The following CADM2 variants were observed in gnomAD, a reference collection of about 807,000 sequenced individuals.
CADM2 encodes cell adhesion molecule 2.
A neutral mutation model predicts 49.8 loss-of-function variants in CADM2; 12 were observed. The ratio of observed to expected loss-of-function variants is 0.24; its 90% CI spans 0.15 to 0.39. The LOEUF is 0.39. CADM2 is among the 10% of genes least tolerant of loss of function. CADM2 has a pLI of 1.00. For synonymous variants in CADM2, 214 were observed against 175.4 expected (o/e 1.22, Z -1.74); for missense variants, 378 against 492.3 (o/e 0.77, Z 2.20).
At chr3:85,091,047 C>G (rs567797615) in intron 1 of CADM2, among the ~76,000 whole-genome samples, 1 of 152,114 alleles carries the variant, frequency 6.6e-6, no homozygotes, top group African/African-American at 2.4e-5. Flanking sequence ...TGATAAAATG[C>G]AGATTGCGGG....
chr3:85,821,715 C>A (rs773115808), intron 3 of CADM2, among the ~76,000 whole-genome samples: 12 of 152,064 alleles, frequency 7.9e-5, no homozygotes, highest in Non-Finnish European at 1.8e-4. Flanking sequence ...ATTCATGGAA[C>A]TTTGTCAGTA....
chr3:86,011,935 G>A (rs1430969253), intron 8 of CADM2, among the ~76,000 whole-genome samples: 7 of 140,858 alleles, frequency 5.0e-5, no homozygotes, highest in Non-Finnish European at 9.0e-5. Context: ...AGGAATTCAA[G>A]TATACAATTA....
chr3:85,451,861 G>T (rs868113331), intron 1 of CADM2, among the ~76,000 whole-genome samples: 1 of 151,996 alleles, frequency 6.6e-6, no homozygotes, highest in Non-Finnish European at 1.5e-5. Context: ...TTTCACCAGG[G>T]ATTCATCCTG....
At chr3:85,947,429 A>C (rs1722869395) in intron 7 of CADM2, among the ~76,000 whole-genome samples, 1 of 151,396 alleles carries the variant, frequency 6.6e-6, no homozygotes, top group Middle Eastern at 3.2e-3. Flanking sequence ...GTGTTCTGAT[A>C]TATAGAGAAA....
intron 2 of CADM2, among the ~76,000 whole-genome samples, chr3:85,730,789 T>C (rs1417818943): frequency 2.0e-5 from 3 of 152,212 alleles, no homozygotes; most frequent in Admixed American, 6.5e-5. Context: ...AAAATATTTT[T>C]AGTCTTTAAT....
chr3:85,816,312 A>AT (rs950439608), intron 3 of CADM2, among the ~76,000 whole-genome samples: 20 of 151,680 alleles, frequency 1.3e-4, no homozygotes, highest in African/African-American at 4.8e-4. Context: ...AGGCCACTGT[A>AT]TTTTACTGTT....
intron 1 of CADM2, among the ~76,000 whole-genome samples, chr3:85,597,117 A>G (rs1390943904): frequency 6.6e-6 from 1 of 152,094 alleles, no homozygotes. Flanking sequence ...TTTCAGTAGT[A>G]TATGTGATAT....
intron 1 of CADM2, among the ~76,000 whole-genome samples, chr3:85,679,278 A>G (rs1158002974): frequency 1.3e-5 from 2 of 152,098 alleles, no homozygotes; most frequent in African/African-American, 4.8e-5. Flanking sequence ...AGGAGTTCAC[A>G]AGGCTAAGTA....
intron 1 of CADM2, among the ~76,000 whole-genome samples, chr3:85,672,273 A>T (rs2065764014): frequency 6.6e-6 from 1 of 150,430 alleles, no homozygotes; most frequent in African/African-American, 2.5e-5. Flanking sequence ...GCTCACTGCA[A>T]GCTCCGCCTC....
intron 8 of CADM2, chr3:86,014,370 GGTAGCTTGACTGTA>G: frequency 7.0e-7 from 1 of 1,431,774 alleles, no homozygotes. Context: ...ATTTGCAGCT[GGTAGCTTGACTGTA>G]GTACTGCATT....
chr3:86,073,319 AT>A lies in CADM2; in HGVS notation c.*6537del, dbSNP rs1186763702. ...GGGTATATTTATGACAGCATAAAAAATAAATTCTGTGCTATAAAGAAGATCC... is the reference window on the plus strand; with the variant it reads ...GGGTATATTTATGACAGCATAAAAAAAAATTCTGTGCTATAAAGAAGATCC... On this transcript the variant is annotated 3_prime_UTR_variant, in exon 10 of 10. Coordinates refer to ENST00000383699, the MANE Select transcript of CADM2 (RefSeq NM_001167675.2). The A allele has an allele frequency of 1.3e-5, 2 of 152,102 alleles. No homozygotes were observed. Among genetic ancestry groups the A allele is most frequent in the African/African-American group, 4.8e-5 (2 of 41,458 alleles). 9.4% of individuals were successfully genotyped at this position (152,102 alleles called of 1,614,324 possible). A position where few individuals can be genotyped will look rare whatever the true frequency, so the allele number is the denominator to read the frequency against.
At chr3:85,225,137 G>A (rs1335173746) in intron 1 of CADM2, among the ~76,000 whole-genome samples, 1 of 152,136 alleles carries the variant, frequency 6.6e-6, no homozygotes, top group Admixed American at 6.5e-5. Flanking sequence ...ATTCTATGAA[G>A]GAAGTCAGTG....
At chr3:85,647,275 G>A (rs943474591) in intron 1 of CADM2, among the ~76,000 whole-genome samples, 4 of 151,526 alleles carry the variant, frequency 2.6e-5, no homozygotes, top group Admixed American at 2.0e-4. Flanking sequence ...GTTTAGCATG[G>A]GAAATGAAAC....
intron 8 of CADM2, among the ~76,000 whole-genome samples, chr3:85,971,778 A>T (rs1429107240): frequency 1.3e-5 from 2 of 151,678 alleles, no homozygotes; most frequent in African/African-American, 4.8e-5. Flanking sequence ...AAAAAGTATT[A>T]TAAAAGAAAA....
chr3:85,395,296 C>CAAAAAAAAAAAAAA (rs58315220), intron 1 of CADM2, among the ~76,000 whole-genome samples: 3 of 75,546 alleles, frequency 4.0e-5, no homozygotes, highest in Admixed American at 1.8e-4. Flanking sequence ...AGACTCCATA[C>CAAAAAAAAAAAAAA]AAAAAAAAAA....
chr3:85,134,212 CG>C (rs1417328111), intron 1 of CADM2, among the ~76,000 whole-genome samples: 15 of 152,324 alleles, frequency 9.8e-5, no homozygotes, highest in Non-Finnish European at 2.1e-4. Context: ...GCAAGCGCCG[CG>C]CGCAGCCCCG....
intron 3 of CADM2, among the ~76,000 whole-genome samples, chr3:85,842,909 G>A (rs1448965690): frequency 6.6e-6 from 1 of 152,032 alleles, no homozygotes; most frequent in Non-Finnish European, 1.5e-5. Flanking sequence ...ATACGTTAGA[G>A]AGCAGATTAA....
chr3:85,999,032 A>T (rs536203550), intron 8 of CADM2, among the ~76,000 whole-genome samples: 77 of 152,312 alleles, frequency 5.1e-4, no homozygotes, highest in African/African-American at 1.8e-3. Flanking sequence ...TATGGAAAAA[A>T]AATAATGTAT....
At chr3:86,055,192 A>G (rs1737774492) in intron 8 of CADM2, among the ~76,000 whole-genome samples, 1 of 152,150 alleles carries the variant, frequency 6.6e-6, no homozygotes, top group South Asian at 2.1e-4. Flanking sequence ...TATTTATTGA[A>G]CACTTTTTAG....
Sources: gnomAD v4.1 joint callset for allele counts (sites outside exome capture counted in the v4.1 genomes callset) on GRCh38, gnomAD v4.1.1 for gene constraint, MANE v1.5 for transcripts, NCBI Gene and HGNC (gene_info 2026-07-23, HGNC 2026-07-21) for gene names.